Variants in CD163L1 observed in about 807,000 individuals in gnomAD.
CD163L1 encodes the protein CD163 molecule like 1, also known as scavenger receptor cysteine-rich type 1 protein M160.
Under a neutral mutation model 165.4 loss-of-function variants are expected in CD163L1, and 124 were observed. That is an observed-to-expected ratio of 0.75 (90% confidence interval 0.65 to 0.87). CD163L1 has a LOEUF of 0.87. Ranked by LOEUF, CD163L1 falls within the 40% of genes least tolerant of loss-of-function variation. The probability of loss-of-function intolerance (pLI) is 0.00; values close to 1 mark genes in which losing one functional copy is unlikely to be tolerated. For synonymous variants in CD163L1, 585 were observed against 662.2 expected (o/e 0.88, Z 1.79); for missense variants, 1,525 against 1,799.9 (o/e 0.85, Z 2.76).
chr12:7,390,734 TTCA>T (rs1947637312), intron 8 of CD163L1, among the ~76,000 whole-genome samples: 1 of 152,224 alleles, frequency 6.6e-6, no homozygotes, highest in South Asian at 2.1e-4. Context: ...ATCTTATTCA[TTCA>T]TCTTAGAAAA....
At chr12:7,334,950 A>G in the CD163L1 span, among the ~76,000 whole-genome samples, 2 of 152,166 alleles carry the variant, frequency 1.3e-5, no homozygotes, top group Non-Finnish European at 2.9e-5. Context: ...TGAAGGACCT[A>G]TTCAAGGAGA....
intron 8 of CD163L1, among the ~76,000 whole-genome samples, chr12:7,385,871 C>T (rs943634864): frequency 1.3e-5 from 2 of 151,616 alleles, no homozygotes; most frequent in African/African-American, 4.8e-5. Flanking sequence ...GTTAAGAAGG[C>T]ATTTATAATA....
Position 7,347,465 on chromosome 12 carries a change from T to C in CD163L1, c.*25-318A>G, listed in dbSNP as rs1206110108. On this transcript the variant is annotated intron_variant, in intron 4 of 4. Transcript: ENST00000539726. The surrounding 1 kb of genome is among the most constrained non-coding windows in gnomAD (Gnocchi z 4.2). ...TTATATCTTTATAACCAGTTTATCT[T>C]GGTTAATTTCTAAGGTAAAAAGGAA... is the stretch of plus-strand genomic sequence containing the variant. Among the ~76,000 whole-genome samples the C allele has an allele frequency of 6.6e-6, 1 of 152,168 alleles. No homozygotes were observed. The highest frequency in any genetic ancestry group is 1.5e-5 in the Non-Finnish European group (1 of 68,026).
At chr12:7,323,231 T>C in the CD163L1 span, 2 of 1,605,114 alleles carry the variant, frequency 1.2e-6, no homozygotes, top group Non-Finnish European at 1.7e-6. Flanking sequence ...GTCCTCTCAA[T>C]AGGGAATGAT....
chr12:7,354,166 A>C (rs1946732165), downstream of CD163L1, among the ~76,000 whole-genome samples: 2 of 152,196 alleles, frequency 1.3e-5, no homozygotes, highest in South Asian at 4.1e-4. Context: ...TAGGGTCTTA[A>C]AGATTTAAAA....
At chr12:7,407,514 T>A (rs1391624050) in intron 4 of CD163L1, among the ~76,000 whole-genome samples, 2 of 151,832 alleles carry the variant, frequency 1.3e-5, no homozygotes, top group East Asian at 3.9e-4. Context: ...TCTCAGCCTT[T>A]CCTTATTTCC....
intron 4 of CD163L1, among the ~76,000 whole-genome samples, chr12:7,423,968 A>C (rs906731788): frequency 1.3e-5 from 2 of 152,172 alleles, no homozygotes; most frequent in African/African-American, 4.8e-5. Context: ...ACTCCTCCCG[A>C]ACTCAATTTT....
intron 18 of CD163L1, among the ~76,000 whole-genome samples, chr12:7,361,049 T>C (rs1169720319): frequency 6.6e-6 from 1 of 152,152 alleles, no homozygotes; most frequent in Non-Finnish European, 1.5e-5. Context: ...CCATCTCTGG[T>C]GGTTTATTTA....
chr12:7,349,378 C>CT (rs939753385), intron 4 of CD163L1, among the ~76,000 whole-genome samples: 99 of 152,128 alleles, frequency 6.5e-4, no homozygotes, highest in African/African-American at 2.2e-3. Flanking sequence ...TAATGGAAAC[C>CT]TTCTTGGATG....
At position 7,374,946 on chromosome 12, in the gene CD163L1, G is replaced by C; in HGVS notation, c.3002-23C>G. 1 of 1,610,086 alleles carries C rather than the reference G, an allele frequency of 6.2e-7. No individual in the cohort carries two copies. ...TTCCTGGTGGAGGGTGCAGGAAATG[G>C]GGCAAAAGTAAGACCAAAATACATG... On this transcript the variant is annotated intron_variant, in intron 11 of 19. Transcript: ENST00000313599. This position sits in a 1 kb window ranked among gnomAD's most constrained non-coding sequence, Gnocchi z 5.4.
chr12:7,320,772 G>C, the CD163L1 span: 1 of 1,613,716 alleles, frequency 6.2e-7, no homozygotes. Flanking sequence ...CTCCCACTGT[G>C]TACCGGATGC....
At chr12:7,395,304 T>A (rs1467988962) in intron 8 of CD163L1, among the ~76,000 whole-genome samples, 2 of 152,136 alleles carry the variant, frequency 1.3e-5, no homozygotes, top group Non-Finnish European at 2.9e-5. Flanking sequence ...GGGACATGCA[T>A]GAAGCTGGAA....
chr12:7,350,670 A>G (rs1946700905), downstream of CD163L1, among the ~76,000 whole-genome samples: 1 of 152,148 alleles, frequency 6.6e-6, no homozygotes, highest in South Asian at 2.1e-4. Context: ...TTACTATTAT[A>G]AGCTTTTCAG....
chr12:7,430,567 A>G (rs939095683), intron 4 of CD163L1, among the ~76,000 whole-genome samples: 11 of 152,234 alleles, frequency 7.2e-5, no homozygotes, highest in African/African-American at 2.7e-4. Flanking sequence ...TTAGGAATAC[A>G]TAAGTTTAAA....
At chr12:7,387,372 A>T (rs1012888511) in intron 8 of CD163L1, among the ~76,000 whole-genome samples, 2 of 152,230 alleles carry the variant, frequency 1.3e-5, no homozygotes, top group Non-Finnish European at 2.9e-5. Context: ...GTGCTTTTTG[A>T]TTGGAAGAAT....
chr12:7,374,822 T>A lies in CD163L1; in HGVS notation c.3094+9A>T, dbSNP rs757362796. On this transcript the variant is annotated intron_variant, in intron 12 of 19. Coordinates refer to ENST00000313599, the MANE Select transcript of CD163L1 (RefSeq NM_174941.6). This position sits in a 1 kb window ranked among gnomAD's most constrained non-coding sequence, Gnocchi z 5.4. The stretch of plus-strand genomic sequence containing the variant: ...AGTTGCAGTGTTTCCTAAAACTGAT[T>A]CTGCTTACCTAAGCAGATCAAAGCA... 7.4e-6 allele frequency: 12 copies of A among 1,614,200 alleles called. No homozygotes were observed. In the South Asian group the frequency reaches 1.3e-4, roughly 18 times the overall value.
At chr12:7,340,499 C>T in the CD163L1 span, among the ~76,000 whole-genome samples, 1 of 151,982 alleles carries the variant, frequency 6.6e-6, no homozygotes, top group Admixed American at 6.6e-5. Flanking sequence ...AGTGTATTAC[C>T]GCAAAGTTCA....
intron 6 of CD163L1, among the ~76,000 whole-genome samples, chr12:7,402,523 A>C (rs1351711700): frequency 6.6e-6 from 1 of 152,102 alleles, no homozygotes; most frequent in African/African-American, 2.4e-5. Context: ...GTAGGCTCAC[A>C]ATACTCCCCA....
chr12:7,392,450 T>C (rs1215610501), intron 8 of CD163L1, among the ~76,000 whole-genome samples: 1 of 151,936 alleles, frequency 6.6e-6, no homozygotes, highest in African/African-American at 2.4e-5. Flanking sequence ...TTTATAGCAC[T>C]AAATGCCCAC....
Sources: gnomAD v4.1 joint callset for allele counts (sites outside exome capture counted in the v4.1 genomes callset) on GRCh38, gnomAD v4.1.1 for gene constraint, Gnocchi (gnomAD v3.1) non-coding constraint, MANE v1.5 for transcripts, NCBI Gene and HGNC (gene_info 2026-07-23, HGNC 2026-07-21) for gene names.